Variants in ADAMTS19 observed in about 807,000 individuals in gnomAD.
ADAMTS19 encodes A disintegrin and metalloproteinase with thrombospondin motifs 19.
In ADAMTS19, 93 loss-of-function variants were observed where a neutral mutation model predicts 153.3. The ratio of observed to expected loss-of-function variants is 0.61; its 90% CI spans 0.51 to 0.72. The LOEUF (loss-of-function observed/expected upper bound fraction) is 0.72. Among genes scored for constraint, ADAMTS19 ranks in the 30% least tolerant of loss-of-function variants. The probability of loss-of-function intolerance (pLI) is 0.00; values close to 1 mark genes in which losing one functional copy is unlikely to be tolerated. For synonymous variants in ADAMTS19, 600 were observed against 556.6 expected, an observed-to-expected ratio of 1.08 and a Z score of -1.10; for missense variants, 1,482 against 1,552.1, an observed-to-expected ratio of 0.95 and a Z score of 0.76.
At position 129,608,110 on chromosome 5, in the gene ADAMTS19, G is replaced by A. The variant is rs1232805835; in HGVS notation, c.1478+11446G>A. ...TATATATGTGTGTGTGTGTGTGTGTGTGTGTGTATATATATATATATATAT... is the reference window on the plus strand; with the variant it reads ...TATATATGTGTGTGTGTGTGTGTGTATGTGTGTATATATATATATATATAT... On this transcript the variant is annotated intron_variant, in intron 8 of 22. Coordinates refer to ENST00000274487, the MANE Select transcript of ADAMTS19 (RefSeq NM_133638.6). Among the ~76,000 whole-genome samples the A allele has an allele frequency of 2.5e-4, 9 of 36,254 alleles. 1 individual carries two copies. The East Asian group carries it at 3.2e-3, about 13-fold the overall frequency. The allele number at this position is 36,254 out of a possible 152,430, so 23.8% of individuals were successfully genotyped here.
In ADAMTS19 at chr5:129,461,111, T is replaced by C; in HGVS notation, c.101T>C (p.Phe34Ser). 7.1e-7 allele frequency: 1 copy of C among 1,417,596 alleles called. No individual in the cohort carries two copies. 87.8% of individuals were successfully genotyped at this position (1,417,596 alleles called of 1,614,324 possible). A position where few individuals can be genotyped will look rare whatever the true frequency, so the allele number is the denominator to read the frequency against. The change falls in exon 2 of 23, where the codon TTC becomes TCC. Residue 34 changes from phenylalanine to serine, a missense_variant. Physicochemically the swap from Phe to Ser is radical, Grantham distance 155. This residue lies in a region of ADAMTS19 where 866 missense variants were observed against 827.7 expected (regional missense o/e 1.05). Transcript: ENST00000274487. The surrounding 1 kb of genome is among the most constrained non-coding windows in gnomAD (Gnocchi z 4.6). Reference protein sequence around the residue: ...LSNGIVSELQFAPDREEWEVV... With the variant: ...LSNGIVSELQSAPDREEWEVV... ...TCTGCCCCGCCCGCAGAGCTGCAGT[T>C]CGCCCCCGACCGCGAGGAGTGGGAA...
At chr5:129,725,397 G>A (rs1757166403) in intron 21 of ADAMTS19, among the ~76,000 whole-genome samples, 1 of 152,054 alleles carries the variant, frequency 6.6e-6, no homozygotes, top group Non-Finnish European at 1.5e-5. Context: ...AGCATGCGCA[G>A]TGTGTTTACT....
At chr5:129,626,766 C>T (rs1752070007) in intron 10 of ADAMTS19, among the ~76,000 whole-genome samples, 1 of 152,086 alleles carries the variant, frequency 6.6e-6, no homozygotes, top group Non-Finnish European at 1.5e-5. Context: ...AAGATCCTAC[C>T]TCCATGGAAC....
intron 2 of ADAMTS19, among the ~76,000 whole-genome samples, chr5:129,495,977 C>T (rs1183456023): frequency 2.0e-5 from 3 of 151,850 alleles, no homozygotes; most frequent in Non-Finnish European, 4.4e-5. Context: ...TATGGAAAGG[C>T]TGGGAAGAAA....
chr5:129,666,459 C>T (rs1287305131), intron 16 of ADAMTS19, among the ~76,000 whole-genome samples: 2 of 151,814 alleles, frequency 1.3e-5, no homozygotes, highest in East Asian at 3.9e-4. Flanking sequence ...CTTTAATGAG[C>T]AATAATGTTC....
At chr5:129,719,632 G>T (rs2056028168) in intron 21 of ADAMTS19, among the ~76,000 whole-genome samples, 1 of 152,142 alleles carries the variant, frequency 6.6e-6, no homozygotes, top group Non-Finnish European at 1.5e-5. Flanking sequence ...TTCTCTAACA[G>T]CAGTTGTTAG....
rs747020226 is a variant in ADAMTS19, at chr5:129,533,784, G to A, written c.1328+5107G>A. 8.0e-4 allele frequency among the ~76,000 whole-genome samples: 121 copies of A among 151,828 alleles called. 2 individuals are homozygous for A. The highest frequency in any genetic ancestry group is 1.5e-3 in the Non-Finnish European group (102 of 67,884). Reference sequence around the variant, plus strand: ...GCTTTGAATGTGTAACAGAGATTCTGGTATGTTGTGTCTTTGTTCTCGTTG... The same window carrying A: ...GCTTTGAATGTGTAACAGAGATTCTAGTATGTTGTGTCTTTGTTCTCGTTG... On this transcript the variant is annotated intron_variant, in intron 6 of 22. Transcript: ENST00000274487.
intron 21 of ADAMTS19, among the ~76,000 whole-genome samples, chr5:129,709,486 A>C (rs1756337321): frequency 6.6e-6 from 1 of 152,158 alleles, no homozygotes; most frequent in Admixed American, 6.5e-5. Context: ...ATCTGTAATA[A>C]CTATAAGCAA....
chr5:129,462,082 T>G (rs972796504), intron 2 of ADAMTS19, among the ~76,000 whole-genome samples: 26 of 152,230 alleles, frequency 1.7e-4, no homozygotes, highest in African/African-American at 6.3e-4. Context: ...TTTTCCAAAC[T>G]AAGCGCTCCA....
At chr5:129,516,678 C>A (rs1751622740) in intron 3 of ADAMTS19, among the ~76,000 whole-genome samples, 1 of 151,354 alleles carries the variant, frequency 6.6e-6, no homozygotes, top group Admixed American at 6.6e-5. Context: ...TTGTTTGGAC[C>A]TTCTCTCTTT....
chr5:129,590,795 T>C (rs977423321), intron 7 of ADAMTS19, among the ~76,000 whole-genome samples: 1 of 152,232 alleles, frequency 6.6e-6, no homozygotes, highest in Non-Finnish European at 1.5e-5. Flanking sequence ...TTTCATATTA[T>C]CTGGGTACCA....
chr5:129,660,151 G>A (rs964695261), intron 15 of ADAMTS19, among the ~76,000 whole-genome samples: 3 of 152,132 alleles, frequency 2.0e-5, no homozygotes, highest in Non-Finnish European at 4.4e-5. Flanking sequence ...AAAGATAAGT[G>A]AGACTGAACA....
chr5:129,596,976 G>T (rs924740670), intron 8 of ADAMTS19, among the ~76,000 whole-genome samples: 5 of 152,044 alleles, frequency 3.3e-5, no homozygotes, highest in Non-Finnish European at 7.4e-5. Flanking sequence ...AGACTACAAA[G>T]CTATAAACTT....
At chr5:129,527,402 T>A (rs1418460486) in intron 4 of ADAMTS19, among the ~76,000 whole-genome samples, 1 of 151,186 alleles carries the variant, frequency 6.6e-6, no homozygotes, top group Non-Finnish European at 1.5e-5. Context: ...ACTTTAGATA[T>A]TTCTGTCCAT....
chr5:129,735,644 G>T (rs1474617525), intron 22 of ADAMTS19, among the ~76,000 whole-genome samples: 2 of 151,972 alleles, frequency 1.3e-5, no homozygotes, highest in East Asian at 3.9e-4. Context: ...ATACATTCTA[G>T]TAATATTGAC....
chr5:129,702,653 A>T lies in ADAMTS19; in HGVS notation c.3159+1061A>T, dbSNP rs1755931727. Among the ~76,000 whole-genome samples, 3 of 152,090 alleles carry T rather than the reference A, an allele frequency of 2.0e-5. No individual in the cohort carries two copies. In the South Asian group the frequency reaches 6.2e-4, roughly 32 times the overall value. On this transcript the variant is annotated intron_variant, in intron 20 of 22. Coordinates refer to ENST00000274487, the MANE Select transcript of ADAMTS19 (RefSeq NM_133638.6). ...TTTATAATGTATACTTTTGCAAATG[A>T]ATACCATATCATATTTTACATTGAA... is the stretch of plus-strand genomic sequence containing the variant.
At chr5:129,700,016 G>A (rs763927530) in intron 19 of ADAMTS19, among the ~76,000 whole-genome samples, 1 of 152,152 alleles carries the variant, frequency 6.6e-6, no homozygotes, top group Non-Finnish European at 1.5e-5. Flanking sequence ...GATTCTGACT[G>A]CTCTATATTG....
chr5:129,639,410 T>C (rs1752694971), intron 10 of ADAMTS19, among the ~76,000 whole-genome samples: 1 of 152,186 alleles, frequency 6.6e-6, no homozygotes, highest in African/African-American at 2.4e-5. Flanking sequence ...ACCGAGGCTG[T>C]AATTTATTTA....
At position 129,701,375 on chromosome 5, in the gene ADAMTS19, G is replaced by T. The variant is rs562233158; in HGVS notation, c.2955-13G>T. 147 of 1,614,070 alleles carry T rather than the reference G, an allele frequency of 9.1e-5. No individual in the cohort carries two copies. The South Asian group carries it at 1.5e-3, about 16-fold the overall frequency. Reference sequence around the variant, plus strand: ...TTTTAACTTGTTTCCAGTGACTCTTGCTTTACTTTCAGGTGGATGATGACA... The same window carrying T: ...TTTTAACTTGTTTCCAGTGACTCTTTCTTTACTTTCAGGTGGATGATGACA... On this transcript the variant is annotated splice_polypyrimidine_tract_variant and intron_variant, in intron 19 of 22. Coordinates refer to ENST00000274487, the MANE Select transcript of ADAMTS19 (RefSeq NM_133638.6).
Sources: allele counts gnomAD v4.1 joint callset (sites outside exome capture counted in the v4.1 genomes callset), GRCh38; gene constraint gnomAD v4.1.1; regional missense constraint gnomAD v4.1.1; non-coding constraint Gnocchi (gnomAD v3.1); transcripts MANE v1.5; gene names NCBI Gene and HGNC (gene_info 2026-07-23, HGNC 2026-07-21).